SYNE2: variants seen among roughly 807,000 people sequenced by gnomAD.
The protein encoded by SYNE2 is nesprin-2.
SYNE2 carries 431 observed loss-of-function variants against 856.3 expected under a neutral mutation model. The observed-to-expected ratio is 0.50, with a 90% CI of 0.47 to 0.55. The LOEUF (loss-of-function observed/expected upper bound fraction) is 0.55, where lower values mean the gene tolerates loss of function less well. SYNE2 is among the 20% of genes least tolerant of loss of function. The pLI is 0.00. For missense variants in SYNE2, 8,129 were observed against 8,023.2 expected (o/e 1.01, Z -0.50); for synonymous variants, 2,923 against 2,872.3 (o/e 1.02, Z -0.56).
At chr14:64,147,676 T>C (rs2098199374) in intron 84 of SYNE2, among the ~76,000 whole-genome samples, 1 of 152,218 alleles carries the variant, frequency 6.6e-6, no homozygotes, top group Non-Finnish European at 1.5e-5. Context: ...AAAAATAGTT[T>C]ATATAACTAA....
chr14:63,973,403 G>A (rs950373254), intron 11 of SYNE2, among the ~76,000 whole-genome samples: 14 of 151,608 alleles, frequency 9.2e-5, no homozygotes, highest in Admixed American at 5.3e-4. Context: ...AGGCCGAGGC[G>A]GGCGGATCAC....
intron 1 of SYNE2, among the ~76,000 whole-genome samples, chr14:63,818,890 G>GGGTTTCACCAACTA (rs1889109123): frequency 6.6e-6 from 1 of 151,784 alleles, no homozygotes; most frequent in Non-Finnish European, 1.5e-5. Context: ...AGTCGAGACT[G>GGGTTTCACCAACTA]GGTTTCACCA....
In SYNE2 at chr14:64,010,022, G is replaced by A. The variant is rs1485048448; in HGVS notation, c.4634G>A (p.Ser1545Asn). Residue 1545 changes from serine to asparagine, a missense_variant, in exon 32 of 116, where the codon AGC becomes AAC. Coordinates refer to ENST00000555002, the MANE Select transcript of SYNE2 (RefSeq NM_182914.3). Reference sequence around the variant, plus strand: ...TTAAAACAATATCAGAATTTTAAAAGCATCTTGACAACTTTGATTCAAAAA... The same window carrying A: ...TTAAAACAATATCAGAATTTTAAAAACATCTTGACAACTTTGATTCAAAAA... Reference protein sequence around the residue: ...ELLKQYQNFKSILTTLIQKEE... With the variant: ...ELLKQYQNFKNILTTLIQKEE... The A allele has an allele frequency of 1.2e-6, 2 of 1,613,964 alleles. No homozygotes were observed. Among genetic ancestry groups the A allele is most frequent in the Non-Finnish European group, 1.7e-6 (2 of 1,179,918 alleles).
chr14:63,931,174 A>G (rs2095749007), intron 2 of SYNE2, among the ~76,000 whole-genome samples: 1 of 152,232 alleles, frequency 6.6e-6, no homozygotes, highest in African/African-American at 2.4e-5. Context: ...GAGTTGTAAT[A>G]CAGAAAAAGA....
At chr14:63,931,914 T>A (rs755247824) in intron 2 of SYNE2, among the ~76,000 whole-genome samples, 13 of 152,354 alleles carry the variant, frequency 8.5e-5, no homozygotes, top group Middle Eastern at 3.4e-3. Context: ...TTTACCACCA[T>A]GCCTGGCTCT....
intron 64 of SYNE2, 124 bp from the exon 65 acceptor site, chr14:64,107,367 C>A: frequency 2.4e-6 from 2 of 849,866 alleles, no homozygotes; most frequent in South Asian, 1.4e-5. Flanking sequence ...CTAATCGTAT[C>A]TGACTTCTCC....
At chr14:64,174,564 A>G (rs1357349434) in intron 94 of SYNE2, among the ~76,000 whole-genome samples, 1 of 152,156 alleles carries the variant, frequency 6.6e-6, no homozygotes, top group Admixed American at 6.5e-5. Context: ...GTTTAGCGTA[A>G]TATAAGGTCT....
chr14:63,967,808 T>G lies in SYNE2; in HGVS notation c.1090T>G (p.Leu364Val), dbSNP rs780118399. Residue 364 changes from leucine to valine, a missense_variant, in exon 11 of 116, where the codon TTA becomes GTA. Leu to Val is a conservative substitution (Grantham distance 32). Around this residue, in one of 3 missense-constraint regions of SYNE2, gnomAD observed 2,422 missense variants for 2,357.4 expected, o/e 1.03. Transcript: ENST00000555002. Reference protein sequence around the residue: ...RDLDELDKDHLQLREAWDGLD... With the variant: ...RDLDELDKDHVQLREAWDGLD... ...TCTGGATGAGCTGGACAAGGATCAT[T>G]TACAGTTGAGAGAAGCCTGGGATGG... 1 of 1,614,024 alleles carries G rather than the reference T, an allele frequency of 6.2e-7. No individual in the cohort carries two copies. Among genetic ancestry groups the G allele is most frequent in the African/African-American group, 1.3e-5 (1 of 74,920 alleles).
At chr14:64,203,667 T>A (rs982682851) in intron 100 of SYNE2, among the ~76,000 whole-genome samples, 11 of 152,222 alleles carry the variant, frequency 7.2e-5, no homozygotes, top group South Asian at 4.1e-4. Flanking sequence ...ACTTTTTTTT[T>A]AAATAGCTAA....
intron 1 of SYNE2, among the ~76,000 whole-genome samples, chr14:63,898,641 G>A (rs762542825): frequency 3.3e-5 from 5 of 152,080 alleles, no homozygotes; most frequent in Non-Finnish European, 7.4e-5. Context: ...CTGGCCTCAA[G>A]CGATTCGCCC....
intron 8 of SYNE2, among the ~76,000 whole-genome samples, chr14:63,959,659 T>C (rs185781620): frequency 6.6e-6 from 1 of 152,266 alleles, no homozygotes; most frequent in Admixed American, 6.5e-5. Context: ...TGTTACTAAT[T>C]CTTGTTAACT....
chr14:64,130,894 A>G (rs1016018448), intron 76 of SYNE2, among the ~76,000 whole-genome samples: 2 of 152,062 alleles, frequency 1.3e-5, no homozygotes, highest in African/African-American at 4.8e-5. Context: ...AAAAAAAAAA[A>G]AAAAAGAAGA....
intron 45 of SYNE2, among the ~76,000 whole-genome samples, chr14:64,043,398 C>G (rs1177686237): frequency 1.3e-5 from 2 of 152,106 alleles, no homozygotes; most frequent in Non-Finnish European, 2.9e-5. Flanking sequence ...GCACAAGTAA[C>G]AAGCCGAATG....
At chr14:64,176,174 T>G (rs1447573408) in intron 95 of SYNE2, among the ~76,000 whole-genome samples, 1 of 152,186 alleles carries the variant, frequency 6.6e-6, no homozygotes, top group Admixed American at 6.5e-5. Context: ...TTTTAGTAAC[T>G]TCAGGAAAGA....
chr14:63,837,918 CAAAA>C (rs34952817), intron 1 of SYNE2, among the ~76,000 whole-genome samples: 12 of 62,186 alleles, frequency 1.9e-4, no homozygotes, highest in African/African-American at 6.1e-4. Context: ...GACTCTGTTT[CAAAA>C]AAAAAAAAAA....
rs2098715909 is a variant in SYNE2 at position 64,225,684 on chromosome 14, G to C, written c.*158G>C. On this transcript the variant is annotated 3_prime_UTR_variant, in exon 116 of 116. Coordinates refer to ENST00000555002, the MANE Select transcript of SYNE2 (RefSeq NM_182914.3). ...CCAGCACGGGCTCCCTGGAGCCCAG[G>C]GCAGCTTTCAGATTGTGTTCCTCCC... 1 of 822,734 alleles carries C rather than the reference G, an allele frequency of 1.2e-6. No individual in the cohort carries two copies. Among genetic ancestry groups the C allele is most frequent in the South Asian group, 1.5e-5 (1 of 67,284 alleles). 51.0% of individuals were successfully genotyped at this position (822,734 alleles called of 1,614,324 possible). A position where few individuals can be genotyped will look rare whatever the true frequency, so the allele number is the denominator to read the frequency against.
chr14:63,954,508 A>G (rs777012876), intron 7 of SYNE2, among the ~76,000 whole-genome samples: 1 of 152,188 alleles, frequency 6.6e-6, no homozygotes, highest in Non-Finnish European at 1.5e-5. Flanking sequence ...TGGCTCAGGA[A>G]ACAAATTTTG....
intron 1 of SYNE2, among the ~76,000 whole-genome samples, chr14:63,904,712 T>G (rs1173120728): frequency 6.6e-6 from 1 of 152,162 alleles, no homozygotes; most frequent in Admixed American, 6.5e-5. Context: ...TTCTGAATAT[T>G]AGGCCTTTGT....
At chr14:63,865,724 C>CCCCA (rs1555352398) in intron 1 of SYNE2, among the ~76,000 whole-genome samples, 15 of 95,404 alleles carry the variant, frequency 1.6e-4, no homozygotes, top group South Asian at 3.8e-4. Context: ...ACCCCCCCCC[C>CCCCA]AAAAAAAAAG....
Sources: gnomAD v4.1 joint callset for allele counts (sites outside exome capture counted in the v4.1 genomes callset) on GRCh38, gnomAD v4.1.1 for gene constraint, gnomAD v4.1.1 regional missense constraint, MANE v1.5 for transcripts, NCBI Gene and HGNC (gene_info 2026-07-23, HGNC 2026-07-21) for gene names.